Variants in SLIT3 observed in about 807,000 individuals in gnomAD.
SLIT3 encodes slit guidance ligand 3.
SLIT3 carries 68 observed loss-of-function variants against 184.0 expected under a neutral mutation model. The observed-to-expected ratio is 0.37, with a 90% CI of 0.30 to 0.45. The LOEUF (loss-of-function observed/expected upper bound fraction) is 0.45. Among genes scored for constraint, SLIT3 ranks in the 20% least tolerant of loss-of-function variants. SLIT3 has a pLI of 1.00. For missense variants in SLIT3, 1,707 were observed against 2,026.0 expected, an observed-to-expected ratio of 0.84 and a Z score of 3.02; for synonymous variants, 831 against 828.6, an observed-to-expected ratio of 1.00 and a Z score of -0.05.
Position 168,666,390 on chromosome 5 carries a change from C to T in SLIT3, c.*64G>A. ...CTTCATGCTGAATCACCAGGGGGTC[C>T]CACATGGCTGTCCCAACTCCATCAA... On this transcript the variant is annotated 3_prime_UTR_variant, in exon 36 of 36. Coordinates refer to ENST00000519560, the MANE Select transcript of SLIT3 (RefSeq NM_003062.4). 1.4e-6 allele frequency: 2 copies of T among 1,449,174 alleles called. No homozygotes were observed. The highest frequency in any genetic ancestry group is 1.8e-6 in the Non-Finnish European group (2 of 1,099,326). The allele number at this position is 1,449,174 out of a possible 1,614,324, so 89.8% of individuals were successfully genotyped here. A position where few individuals can be genotyped will look rare whatever the true frequency, so the allele number is the denominator to read the frequency against.
chr5:169,183,042 G>A (rs1763219922), intron 4 of SLIT3, among the ~76,000 whole-genome samples: 1 of 152,184 alleles, frequency 6.6e-6, no homozygotes, highest in African/African-American at 2.4e-5. Flanking sequence ...GAAAGAGCGA[G>A]GTGGCAAGAA....
intron 3 of SLIT3, among the ~76,000 whole-genome samples, chr5:169,227,028 G>T (rs1764836959): frequency 6.6e-6 from 1 of 152,094 alleles, no homozygotes; most frequent in African/African-American, 2.4e-5. Context: ...TTTGTGTCTG[G>T]GGAACCCACT....
chr5:169,137,135 C>T (rs1761533093), intron 4 of SLIT3, among the ~76,000 whole-genome samples: 2 of 152,126 alleles, frequency 1.3e-5, no homozygotes, highest in South Asian at 2.1e-4. Flanking sequence ...CTGTGGAAGA[C>T]TCCTTAGATT....
At chr5:168,899,819 C>T (rs1281449618) in intron 4 of SLIT3, among the ~76,000 whole-genome samples, 1 of 151,678 alleles carries the variant, frequency 6.6e-6, no homozygotes, top group Non-Finnish European at 1.5e-5. Flanking sequence ...TGACAGGAAG[C>T]AGGAAGTGGG....
At chr5:168,803,583 G>A (rs1756845140) in intron 9 of SLIT3, among the ~76,000 whole-genome samples, 1 of 152,228 alleles carries the variant, frequency 6.6e-6, no homozygotes, top group Admixed American at 6.5e-5. Flanking sequence ...AGAGTATAGA[G>A]ATGTGAAGTG....
At chr5:168,977,769 A>T (rs1461864617) in intron 4 of SLIT3, among the ~76,000 whole-genome samples, 1 of 151,666 alleles carries the variant, frequency 6.6e-6, no homozygotes, top group East Asian at 1.9e-4. Flanking sequence ...ACTAAATTTG[A>T]GTGTGTTTTG....
intron 20 of SLIT3, among the ~76,000 whole-genome samples, chr5:168,747,540 G>A (rs934638963): frequency 6.6e-6 from 1 of 152,166 alleles, no homozygotes; most frequent in African/African-American, 2.4e-5. Context: ...TCTGGTCCTA[G>A]CTGCAGTGCT....
At chr5:169,021,591 T>A (rs549234229) in intron 4 of SLIT3, among the ~76,000 whole-genome samples, 1 of 152,294 alleles carries the variant, frequency 6.6e-6, no homozygotes, top group African/African-American at 2.4e-5. Flanking sequence ...CCTCTGGTGA[T>A]CGACCTGCCT....
intron 4 of SLIT3, among the ~76,000 whole-genome samples, chr5:169,134,848 T>C (rs901272385): frequency 1.3e-5 from 2 of 152,220 alleles, no homozygotes; most frequent in Non-Finnish European, 2.9e-5. Flanking sequence ...CAGCTTGGAC[T>C]AGAATTTTAT....
intron 4 of SLIT3, among the ~76,000 whole-genome samples, chr5:169,006,632 A>ACACACACACACACACACACAC (rs752430679): frequency 6.8e-5 from 9 of 132,954 alleles, no homozygotes; most frequent in Non-Finnish European, 1.3e-4. Flanking sequence ...CACACACACA[A>ACACACACACACACACACACAC]CTCTCCAAGC....
intron 4 of SLIT3, among the ~76,000 whole-genome samples, chr5:169,193,218 C>A (rs1763616957): frequency 6.6e-6 from 1 of 152,222 alleles, no homozygotes; most frequent in Admixed American, 6.5e-5. Flanking sequence ...TCGCCTCCCT[C>A]CTTGCAAGGC....
intron 20 of SLIT3, among the ~76,000 whole-genome samples, chr5:168,725,395 C>T (rs1056420315): frequency 6.6e-6 from 1 of 152,230 alleles, no homozygotes; most frequent in Non-Finnish European, 1.5e-5. Context: ...ACATGCCACC[C>T]TTGCTGTAAA....
intron 4 of SLIT3, among the ~76,000 whole-genome samples, chr5:168,953,813 G>C (rs1340551025): frequency 6.6e-6 from 1 of 152,096 alleles, no homozygotes; most frequent in African/African-American, 2.4e-5. Context: ...CAGGGAATTG[G>C]GGCAACAGAA....
At chr5:169,224,721 C>G (rs1054589232) in intron 3 of SLIT3, among the ~76,000 whole-genome samples, 2 of 151,372 alleles carry the variant, frequency 1.3e-5, no homozygotes, top group Non-Finnish European at 2.9e-5. Flanking sequence ...CAGACTCACT[C>G]TGTTGCCCAG....
At chr5:169,155,654 G>A (rs936448782) in intron 4 of SLIT3, among the ~76,000 whole-genome samples, 7 of 152,202 alleles carry the variant, frequency 4.6e-5, no homozygotes, top group Non-Finnish European at 7.3e-5. Flanking sequence ...GGAAACCCAA[G>A]GCAGAATTCT....
intron 4 of SLIT3, among the ~76,000 whole-genome samples, chr5:168,984,362 A>G (rs187394312): frequency 1.1e-3 from 161 of 152,234 alleles, no homozygotes; most frequent in Admixed American, 2.9e-3. Context: ...TGGTTATTCA[A>G]TCTGCATTTC....
chr5:169,275,528 C>G (rs1415087745), intron 1 of SLIT3, among the ~76,000 whole-genome samples: 1 of 152,282 alleles, frequency 6.6e-6, no homozygotes, highest in Non-Finnish European at 1.5e-5. Flanking sequence ...CTGATAAAGA[C>G]ACACCCAAGA....
In SLIT3 at chr5:169,108,939, GTGGACAGGCCCTTGGGGGGTCTCTTGA is replaced by G. The variant is rs1338305722; in HGVS notation, c.413+84513_413+84539del. Among the ~76,000 whole-genome samples, 3 of 152,178 alleles carry G rather than the reference GTGGACAGGCCCTTGGGGGGTCTCTTGA, an allele frequency of 2.0e-5. No homozygotes were observed. The East Asian group carries it at 5.8e-4, about 29-fold the overall frequency. On this transcript the variant is annotated intron_variant, in intron 4 of 35. Transcript: ENST00000519560. ...ATGCTCTTTCAGGCCTCTGTCTGTG[GTGGACAGGCCCTTGGGGGGTCTCTTGA>G]TGATTTTCTGCCAACTTGTGTCCAT...
At chr5:168,905,844 A>T (rs1028006866) in intron 4 of SLIT3, among the ~76,000 whole-genome samples, 8 of 152,232 alleles carry the variant, frequency 5.3e-5, no homozygotes, top group Non-Finnish European at 8.8e-5. Context: ...ACACGTGGGC[A>T]CAGAGATGAT....
Sources: gnomAD v4.1 joint callset for allele counts (sites outside exome capture counted in the v4.1 genomes callset) on GRCh38, gnomAD v4.1.1 for gene constraint, MANE v1.5 for transcripts, NCBI Gene and HGNC (gene_info 2026-07-23, HGNC 2026-07-21) for gene names.